CCDC112: variants seen among roughly 807,000 people sequenced by gnomAD.
CCDC112 encodes the protein coiled-coil domain containing 112, also known as coiled-coil domain-containing protein 112.
Under a neutral mutation model 66.3 loss-of-function variants are expected in CCDC112, and 40 were observed. The ratio of observed to expected loss-of-function variants is 0.60; its 90% CI spans 0.47 to 0.79. The LOEUF is 0.79. Ranked by LOEUF, CCDC112 falls within the 30% of genes least tolerant of loss-of-function variation. The pLI is 0.00. For missense variants in CCDC112, 659 were observed against 603.8 expected (o/e 1.09, Z -0.96); for synonymous variants, 214 against 197.2 (o/e 1.09, Z -0.71).
Position 115,284,773 on chromosome 5 carries a change from A to G in CCDC112, c.239+14T>C. On this transcript the variant is annotated intron_variant, in intron 2 of 9. Coordinates refer to ENST00000379611, the MANE Select transcript of CCDC112 (RefSeq NM_001040440.3). ...GCTAGTAATGTTATTTGAAGATTAT[A>G]TTCTTATACTTACTGATTTTTAAAT... is the stretch of plus-strand genomic sequence containing the variant. 1 of 1,579,982 alleles carries G rather than the reference A, an allele frequency of 6.3e-7. No individual in the cohort carries two copies.
intron 1 of CCDC112, among the ~76,000 whole-genome samples, chr5:115,292,108 C>A (rs1749958480): frequency 6.6e-6 from 1 of 152,002 alleles, no homozygotes; most frequent in African/African-American, 2.4e-5. Context: ...CCTTTCCTTT[C>A]TTTCTGGGAC....
chr5:115,275,684 T>G, intron 5 of CCDC112, 78 bp from the exon 6 acceptor site: 1 of 1,010,688 alleles, frequency 9.9e-7, no homozygotes, highest in Non-Finnish European at 1.4e-6. Flanking sequence ...TTAAGATACC[T>G]GACTCTTTAT....
intron 2 of CCDC112, among the ~76,000 whole-genome samples, chr5:115,284,550 C>A (rs1050134267): frequency 6.6e-6 from 1 of 151,984 alleles, no homozygotes; most frequent in Non-Finnish European, 1.5e-5. Context: ...CCTTGAAATA[C>A]ACAGATTCAA....
rs1253173202 is a variant in CCDC112, at chr5:115,267,231, A to C, written c.*645T>G. Reference sequence around the variant, plus strand: ...ATTTTATAAATCTGTGAAATCCAGAAAGGCTGAAGGAAAATTTGGAATTGC... The same window carrying C: ...ATTTTATAAATCTGTGAAATCCAGACAGGCTGAAGGAAAATTTGGAATTGC... On this transcript the variant is annotated 3_prime_UTR_variant, in exon 10 of 10. Transcript: ENST00000379611. 1 of 152,258 alleles carries C rather than the reference A, an allele frequency of 6.6e-6. No homozygotes were observed. Among genetic ancestry groups the C allele is most frequent in the South Asian group, 2.1e-4 (1 of 4,836 alleles). 9.4% of individuals were successfully genotyped at this position (152,258 alleles called of 1,614,324 possible). A position where few individuals can be genotyped will look rare whatever the true frequency, so the allele number is the denominator to read the frequency against.
In CCDC112 at chr5:115,279,445, CTAAA is replaced by C. The variant is rs145274081; in HGVS notation, c.361+198_361+201del. ...ACAGAAAACAATCCAGTTAGTATGA[CTAAA>C]TAGTGACCCGAAAGAATAAACATGT... On this transcript the variant is annotated intron_variant, in intron 3 of 9. Coordinates refer to ENST00000379611, the MANE Select transcript of CCDC112 (RefSeq NM_001040440.3). Among the ~76,000 whole-genome samples the C allele has an allele frequency of 1.7e-3, 261 of 152,146 alleles. 8 individuals are homozygous for C. The East Asian group carries it at 0.046, about 27-fold the overall frequency.
In CCDC112 at chr5:115,271,212, C is replaced by T. The variant is rs978107681; in HGVS notation, c.1332+1G>A. On this transcript the variant is annotated splice_donor_variant, in intron 7 of 9. Coordinates refer to ENST00000379611, the MANE Select transcript of CCDC112 (RefSeq NM_001040440.3). LOFTEE classifies it high-confidence loss of function. Reference sequence around the variant, plus strand: ...ATTATTTAGGAAATAGATTTACTCACTCTTTCTTGAAATCTGGAAATTTCA... The same window carrying T: ...ATTATTTAGGAAATAGATTTACTCATTCTTTCTTGAAATCTGGAAATTTCA... 6.3e-7 allele frequency: 1 copy of T among 1,575,332 alleles called. No individual in the cohort carries two copies. The highest frequency in any genetic ancestry group is 1.4e-5 in the African/African-American group (1 of 72,394).
Position 115,269,816 on chromosome 5 carries a change from ATAGCATT to A in CCDC112, c.1333-25_1333-19del. ...TGTAAATCCTTAAAAAAAAAAACCCATAGCATTAAGAAAGCATGTGAACTAGAATTTG... is the reference window on the plus strand; with the variant it reads ...TGTAAATCCTTAAAAAAAAAAACCCAAAGAAAGCATGTGAACTAGAATTTG... On this transcript the variant is annotated intron_variant, in intron 7 of 9. Transcript: ENST00000379611. The A allele has an allele frequency of 2.7e-6, 4 of 1,458,090 alleles. No individual in the cohort carries two copies. Among genetic ancestry groups the A allele is most frequent in the African/African-American group, 1.4e-5 (1 of 69,934 alleles). The allele number at this position is 1,458,090 out of a possible 1,614,324, so 90.3% of individuals were successfully genotyped here.
At chr5:115,269,212 T>C (rs1053549689) in intron 8 of CCDC112, among the ~76,000 whole-genome samples, 19 of 152,218 alleles carry the variant, frequency 1.2e-4, no homozygotes, top group Non-Finnish European at 2.8e-4. Context: ...TTATTTCTTT[T>C]AGTTCTATTA....
rs1749174758 is a variant in CCDC112 at position 115,275,589 on chromosome 5, T to G, written c.545A>C (p.Lys182Thr). The G allele has an allele frequency of 6.3e-7, 1 of 1,580,228 alleles. No individual in the cohort carries two copies. Among genetic ancestry groups the G allele is most frequent in the East Asian group, 2.2e-5 (1 of 44,722 alleles). ...EQRLIYEELIKEEKTTNNELS... is the reference protein window; with the variant it reads ...EQRLIYEELITEEKTTNNELS... Reference sequence around the variant, plus strand: ...CTCATTATTAGTTGTCTTCTCTTCTTTAATTAGCTCTTCATATCTAAAATT... The same window carrying G: ...CTCATTATTAGTTGTCTTCTCTTCTGTAATTAGCTCTTCATATCTAAAATT... Residue 182 changes from lysine (K) to threonine (T), a missense_variant, in exon 6 of 10, where the codon AAA becomes ACA. Lys to Thr is a moderately conservative substitution (Grantham distance 78, BLOSUM62 -1). Coordinates refer to ENST00000379611, the MANE Select transcript of CCDC112 (RefSeq NM_001040440.3).
rs531022892 is a variant in CCDC112, at chr5:115,270,373, AT to A, written c.1333-576del. ...ATGCACATAACAATTCATAAATTATATCTCATTTGCACCCTTTTTCATTTTA... is the reference window on the plus strand; with the variant it reads ...ATGCACATAACAATTCATAAATTATACTCATTTGCACCCTTTTTCATTTTA... On this transcript the variant is annotated intron_variant, in intron 7 of 9. Coordinates refer to ENST00000379611, the MANE Select transcript of CCDC112 (RefSeq NM_001040440.3). Among the ~76,000 whole-genome samples, 237 of 152,312 alleles carry A rather than the reference AT, an allele frequency of 1.6e-3. 1 individual carries two copies. The highest frequency in any genetic ancestry group is 0.013 in the South Asian group (65 of 4,830).
chr5:115,282,599 C>T (rs908313186), intron 2 of CCDC112, among the ~76,000 whole-genome samples: 5 of 151,888 alleles, frequency 3.3e-5, no homozygotes, highest in Non-Finnish European at 7.4e-5. Context: ...AAATGCAGAG[C>T]AATGTGGACG....
chr5:115,285,660 A>C (rs1288572097), intron 1 of CCDC112, among the ~76,000 whole-genome samples: 2 of 152,194 alleles, frequency 1.3e-5, no homozygotes, highest in Non-Finnish European at 2.9e-5. Flanking sequence ...ATTTTAGGTC[A>C]CTTAGGGGGT....
At position 115,275,258 on chromosome 5, in the gene CCDC112, T is replaced by G; in HGVS notation, c.876A>C (p.Lys292Asn). ...CTAGAGCCAGAAACTTTTGATACCATTTTTCATGCTGTTGAACTTCATCTT... is the reference window on the plus strand; with the variant it reads ...CTAGAGCCAGAAACTTTTGATACCAGTTTTCATGCTGTTGAACTTCATCTT... ...KTQDEVQQHE[K>N]WYQKFLALEE... The change falls in exon 6 of 10, where the codon AAA (lysine) becomes AAC (asparagine). Residue 292 changes from lysine to asparagine, a missense_variant. Physicochemically the swap from Lys to Asn is moderately conservative, Grantham distance 94. Transcript: ENST00000379611. 1 of 1,611,924 alleles carries G rather than the reference T, an allele frequency of 6.2e-7. No homozygotes were observed. Among genetic ancestry groups the G allele is most frequent in the Non-Finnish European group, 8.5e-7 (1 of 1,179,382 alleles).
chr5:115,278,097 C>T (rs1749285440), intron 3 of CCDC112, among the ~76,000 whole-genome samples: 2 of 152,014 alleles, frequency 1.3e-5, no homozygotes, highest in Admixed American at 6.6e-5. Context: ...AAGGCAGAAA[C>T]TTTTTGTAAT....
At chr5:115,288,349 G>C (rs976344472) in intron 1 of CCDC112, among the ~76,000 whole-genome samples, 3 of 152,150 alleles carry the variant, frequency 2.0e-5, no homozygotes, top group Non-Finnish European at 4.4e-5. Flanking sequence ...TTCCTTAAGA[G>C]GTGATCAAGT....
intron 7 of CCDC112, 142 bp downstream of exon 7, chr5:115,271,071 G>T: frequency 1.5e-6 from 1 of 677,858 alleles, no homozygotes; most frequent in East Asian, 2.7e-5. Flanking sequence ...CTAGAAGTTA[G>T]GGAGCACGGC....
intron 2 of CCDC112, chr5:115,280,440 T>A (rs1327892552): frequency 1.3e-5 from 2 of 152,230 alleles, no homozygotes; most frequent in African/African-American, 2.4e-5. Context: ...GCCCCTTGAA[T>A]TTAGTCTAAC....
intron 3 of CCDC112, among the ~76,000 whole-genome samples, chr5:115,278,784 C>A (rs1749317209): frequency 6.6e-6 from 1 of 152,032 alleles, no homozygotes; most frequent in Admixed American, 6.5e-5. Context: ...AAAAATAGTG[C>A]AACCTTGTAT....
rs745613153 is a variant in CCDC112, at chr5:115,271,368, G to A, written c.1177C>T (p.Arg393Cys). Residue 393 changes from arginine to cysteine, a missense_variant, in exon 7 of 10, where the codon CGC becomes TGC. By Grantham distance (180) the Arg-to-Cys change is radical. Coordinates refer to ENST00000379611, the MANE Select transcript of CCDC112 (RefSeq NM_001040440.3). ...KEKKHQKERQ[R>C]QFKLKLLLES... ...AGTAGTAATTTTAACTTAAACTGGC[G>A]CTGGCGTTCTTTCTGATGTTTTTTC... 30 of 1,610,974 alleles carry A rather than the reference G, an allele frequency of 1.9e-5. No homozygotes were observed. Among genetic ancestry groups the A allele is most frequent in the Middle Eastern group, 1.6e-4 (1 of 6,068 alleles).
Sources: allele counts gnomAD v4.1 joint callset (sites outside exome capture counted in the v4.1 genomes callset), GRCh38; gene constraint gnomAD v4.1.1; transcripts MANE v1.5; gene names NCBI Gene and HGNC (gene_info 2026-07-23, HGNC 2026-07-21).